The following FAM107B variants were observed in gnomAD, a reference collection of about 807,000 sequenced individuals.
The protein encoded by FAM107B is protein FAM107B.
In FAM107B, 21 loss-of-function variants were observed where a neutral mutation model predicts 31.5. That is an observed-to-expected ratio of 0.67 (90% CI 0.47 to 0.96). FAM107B has a LOEUF of 0.96. FAM107B is among the 40% of genes least tolerant of loss of function. The pLI is 0.00. For synonymous variants in FAM107B, 157 were observed against 141.5 expected (o/e 1.11, Z -0.78); for missense variants, 452 against 377.1 (o/e 1.20, Z -1.64).
intron 2 of FAM107B, among the ~76,000 whole-genome samples, chr10:14,594,335 T>A (rs1852111765): frequency 6.6e-6 from 1 of 151,896 alleles, no homozygotes; most frequent in African/African-American, 2.4e-5. Flanking sequence ...CAAGACTTCA[T>A]CTCTACAAAA....
chr10:14,583,935 A>T (rs1851740874), intron 2 of FAM107B, among the ~76,000 whole-genome samples: 1 of 152,228 alleles, frequency 6.6e-6, no homozygotes, highest in Non-Finnish European at 1.5e-5. Flanking sequence ...CGTTGTTCAT[A>T]GGAGTGTTTC....
intron 1 of FAM107B, among the ~76,000 whole-genome samples, chr10:14,710,596 G>A (rs143249571): frequency 3.3e-5 from 5 of 152,086 alleles, no homozygotes; most frequent in Admixed American, 6.6e-5. Context: ...GGTCCCATAA[G>A]AGTATAATCA....
chr10:14,579,544 TTTA>T (rs1417311917), intron 2 of FAM107B, among the ~76,000 whole-genome samples: 1 of 152,202 alleles, frequency 6.6e-6, no homozygotes, highest in Non-Finnish European at 1.5e-5. Context: ...AACCCTGGGC[TTTA>T]TCAAGCAAAG....
intron 2 of FAM107B, among the ~76,000 whole-genome samples, chr10:14,573,937 G>A (rs1390394109): frequency 1.1e-5 from 1 of 91,336 alleles, no homozygotes; most frequent in Non-Finnish European, 2.5e-5. Context: ...AACCACCCTA[G>A]GGCCCAGGAG....
Position 14,768,282 on chromosome 10 carries a change from A to C in FAM107B, c.411+5971T>G, listed in dbSNP as rs1335682616. 2.0e-5 allele frequency among the ~76,000 whole-genome samples: 3 copies of C among 152,186 alleles called. No individual in the cohort carries two copies. In the South Asian group the frequency reaches 6.2e-4, roughly 31 times the overall value. ...AAATCTCAATAATGTTTTTTGCAGA[A>C]ATAGAAAAATTCGTCCTAAAATTTA... On this transcript the variant is annotated intron_variant, in intron 1 of 4. Transcript: ENST00000181796.
In FAM107B at chr10:14,634,361, C is replaced by T. The variant is rs534487744; in HGVS notation, c.469+33273G>A. Among the ~76,000 whole-genome samples the T allele has an allele frequency of 1.7e-3, 248 of 150,012 alleles. 1 individual carries two copies. The highest frequency in any genetic ancestry group is 8.4e-3 in the Admixed American group (127 of 15,036). On this transcript the variant is annotated intron_variant, in intron 2 of 4. Coordinates refer to ENST00000181796, the MANE Select transcript of FAM107B (RefSeq NM_031453.4). ...GTTGCAGTGAGCCAAGAGCATGCCA[C>T]TGCACTCCAGCCTGGACCACAGAGC...
intron 1 of FAM107B, among the ~76,000 whole-genome samples, chr10:14,704,456 C>A (rs575000595): frequency 6.6e-6 from 1 of 152,160 alleles, no homozygotes; most frequent in South Asian, 2.1e-4. Context: ...TGTAGCCTAT[C>A]TTCAAAAAGG....
At chr10:14,600,625 TTC>T (rs1852362992) in intron 2 of FAM107B, among the ~76,000 whole-genome samples, 1 of 152,182 alleles carries the variant, frequency 6.6e-6, no homozygotes, top group South Asian at 2.1e-4. Context: ...TTTTGTATAA[TTC>T]TTTTTTATGT....
intron 1 of FAM107B, among the ~76,000 whole-genome samples, chr10:14,748,703 G>A (rs901243165): frequency 2.0e-5 from 3 of 152,242 alleles, no homozygotes; most frequent in African/African-American, 7.2e-5. Context: ...TCACCAGGCT[G>A]GGTCTGCAGC....
intron 2 of FAM107B, among the ~76,000 whole-genome samples, chr10:14,618,578 T>C (rs1009704257): frequency 3.3e-5 from 5 of 152,064 alleles, no homozygotes; most frequent in Non-Finnish European, 4.4e-5. Context: ...GGCTCATGCC[T>C]GTAATCCCAG....
At chr10:14,734,405 C>G (rs1856246304) in intron 1 of FAM107B, among the ~76,000 whole-genome samples, 1 of 152,050 alleles carries the variant, frequency 6.6e-6, no homozygotes, top group Admixed American at 6.5e-5. Flanking sequence ...AGCCCACAGA[C>G]CACATGTGGT....
intron 2 of FAM107B, among the ~76,000 whole-genome samples, chr10:14,589,699 T>TGCGG (rs1377194103): frequency 3.3e-5 from 5 of 152,066 alleles, no homozygotes; most frequent in Admixed American, 6.6e-5. Flanking sequence ...ACCAAATGTA[T>TGCGG]GCGGGGCTTA....
At chr10:14,548,352 C>T (rs1355612556) in intron 2 of FAM107B, 3 of 923,834 alleles carry the variant, frequency 3.2e-6, no homozygotes, top group Non-Finnish European at 3.9e-6. Context: ...AGATGCTCTT[C>T]CGACTGCACC....
intron 1 of FAM107B, among the ~76,000 whole-genome samples, chr10:14,677,071 T>G (rs1309875268): frequency 6.6e-6 from 1 of 152,168 alleles, no homozygotes. Flanking sequence ...AATGCCTCCC[T>G]CTGCCCAATC....
At chr10:14,601,919 T>C (rs1448625041) in intron 2 of FAM107B, among the ~76,000 whole-genome samples, 1 of 152,166 alleles carries the variant, frequency 6.6e-6, no homozygotes, top group African/African-American at 2.4e-5. Context: ...AAAGGAAAGA[T>C]TCGATGAATG....
intron 2 of FAM107B, among the ~76,000 whole-genome samples, chr10:14,606,552 A>G (rs1418257487): frequency 6.6e-6 from 1 of 152,192 alleles, no homozygotes; most frequent in African/African-American, 2.4e-5. Flanking sequence ...CTAACCTCCA[A>G]TGTGACTGTA....
intron 1 of FAM107B, among the ~76,000 whole-genome samples, chr10:14,724,528 T>G (rs2131552981): frequency 6.6e-6 from 1 of 152,318 alleles, no homozygotes; most frequent in African/African-American, 2.4e-5. Flanking sequence ...ATAACCCACA[T>G]GGTCAAATGG....
At chr10:14,568,803 G>A (rs188618277) in intron 2 of FAM107B, among the ~76,000 whole-genome samples, 128 of 151,182 alleles carry the variant, frequency 8.5e-4, no homozygotes, top group African/African-American at 2.8e-3. Flanking sequence ...AGGGAGAGAG[G>A]GTGGGGTGGA....
At chr10:14,622,111 A>C (rs946010203) in intron 2 of FAM107B, among the ~76,000 whole-genome samples, 1 of 152,160 alleles carries the variant, frequency 6.6e-6, no homozygotes, top group Admixed American at 6.5e-5. Context: ...AATAAAGTCC[A>C]TCTTTCAATA....
Sources: gnomAD v4.1 joint callset for allele counts (sites outside exome capture counted in the v4.1 genomes callset) on GRCh38, gnomAD v4.1.1 for gene constraint, MANE v1.5 for transcripts, NCBI Gene and HGNC (gene_info 2026-07-23, HGNC 2026-07-21) for gene names.